The following DENND5A variants were observed in gnomAD, a reference collection of about 807,000 sequenced individuals.
The protein encoded by DENND5A is DENN domain-containing protein 5A.
A neutral mutation model predicts 140.3 loss-of-function variants in DENND5A; 64 were observed. The observed-to-expected ratio is 0.46, with a 90% CI of 0.37 to 0.56. The LOEUF is 0.56. DENND5A is among the 20% of genes least tolerant of loss of function. The probability of loss-of-function intolerance (pLI) is 0.00; values close to 1 mark genes in which losing one functional copy is unlikely to be tolerated. For synonymous variants in DENND5A, 605 were observed against 607.7 expected (o/e 1.00, Z 0.07); for missense variants, 1,292 against 1,593.8 (o/e 0.81, Z 3.22).
rs116722509 is a variant in DENND5A at position 9,227,845 on chromosome 11, G to A, written c.110-20213C>T. ...AATGAGGCCAGGCACTGTGGCTCAC[G>A]CTTGTAAATCCCAGCACTTTGGGAG... On this transcript the variant is annotated intron_variant, in intron 1 of 22. Transcript: ENST00000328194. Among the ~76,000 whole-genome samples, 522 of 151,844 alleles carry A rather than the reference G, an allele frequency of 3.4e-3. 2 individuals are homozygous for A. The highest frequency in any genetic ancestry group is 0.012 in the African/African-American group (499 of 41,446).
At chr11:9,245,389 G>A (rs113993444) in intron 1 of DENND5A, 6,935 of 149,872 alleles carry the variant, frequency 0.046, 509 homozygotes, top group African/African-American at 0.16. Context: ...TCAGCAGTCC[G>A]AGACCAGCCT....
rs773664943 is a variant in DENND5A at position 9,139,670 on chromosome 11, G to A, written c.*1C>T. 5 of 1,612,812 alleles carry A rather than the reference G, an allele frequency of 3.1e-6. No homozygotes were observed. The Admixed American group carries it at 6.7e-5, about 22-fold the overall frequency. Reference sequence around the variant, plus strand: ...TCCTGCTGCTGGCTGGTGCTGGGAGGTCAGATGTCGATGCCCTTGACAAGG... The same window carrying A: ...TCCTGCTGCTGGCTGGTGCTGGGAGATCAGATGTCGATGCCCTTGACAAGG... On this transcript the variant is annotated 3_prime_UTR_variant, in exon 23 of 23. Transcript: ENST00000328194.
At chr11:9,229,391 G>C (rs972689896) in intron 1 of DENND5A, among the ~76,000 whole-genome samples, 1 of 151,986 alleles carries the variant, frequency 6.6e-6, no homozygotes. Flanking sequence ...GACATGCTGA[G>C]TATTATGAAC....
chr11:9,216,645 C>T (rs1450859583), intron 1 of DENND5A, among the ~76,000 whole-genome samples: 2 of 152,196 alleles, frequency 1.3e-5, no homozygotes, highest in African/African-American at 4.8e-5. Context: ...GGGCAGGGGA[C>T]TGTGGCTCAT....
intron 22 of DENND5A, among the ~76,000 whole-genome samples, chr11:9,141,168 C>T (rs539632433): frequency 1.3e-5 from 2 of 152,214 alleles, no homozygotes; most frequent in South Asian, 2.1e-4. Flanking sequence ...TAAGGGGCCA[C>T]GTTTTATTCA....
chr11:9,187,205 T>C (rs1317485590), intron 5 of DENND5A, among the ~76,000 whole-genome samples: 1 of 152,096 alleles, frequency 6.6e-6, no homozygotes, highest in Non-Finnish European at 1.5e-5. Flanking sequence ...TTTCCTCCCA[T>C]CATACAGAGG....
At chr11:9,169,263 G>T (rs1306136544) in intron 10 of DENND5A, among the ~76,000 whole-genome samples, 1 of 152,036 alleles carries the variant, frequency 6.6e-6, no homozygotes, top group East Asian at 1.9e-4. Context: ...CCTGGCCAAC[G>T]TGGTGAAACC....
In DENND5A at chr11:9,262,834, C is replaced by G. The variant is rs575261467; in HGVS notation, c.109+2127G>C. On this transcript the variant is annotated intron_variant, in intron 1 of 22. Transcript: ENST00000328194. ...TGGGCTCACTGCGAGCTCCGCCTCC[C>G]GGGTTCACGCCATTCTCCTGCCTCA... 1.6e-4 allele frequency among the ~76,000 whole-genome samples: 24 copies of G among 152,196 alleles called. 1 individual carries two copies. The South Asian group carries it at 5.0e-3, about 32-fold the overall frequency.
chr11:9,230,128 C>T (rs1850706143), intron 1 of DENND5A, among the ~76,000 whole-genome samples: 3 of 150,718 alleles, frequency 2.0e-5, no homozygotes, highest in Admixed American at 1.3e-4. Flanking sequence ...CCAGGATGGT[C>T]TCGATCTCCT....
At chr11:9,258,675 C>T (rs1335315317) in intron 1 of DENND5A, among the ~76,000 whole-genome samples, 2 of 152,142 alleles carry the variant, frequency 1.3e-5, no homozygotes, top group African/African-American at 4.8e-5. Context: ...CCCGCATCCA[C>T]CACTCATCAA....
At chr11:9,230,398 G>T (rs61877904) in intron 1 of DENND5A, among the ~76,000 whole-genome samples, 1 of 151,432 alleles carries the variant, frequency 6.6e-6, no homozygotes, top group Non-Finnish European at 1.5e-5. Context: ...GCTCCACCAC[G>T]CCAGGCTAAT....
chr11:9,149,151 G>T (rs1847529068), intron 15 of DENND5A, among the ~76,000 whole-genome samples: 1 of 152,192 alleles, frequency 6.6e-6, no homozygotes, highest in African/African-American at 2.4e-5. Context: ...TTAGAATTCA[G>T]TGGGTCCCAT....
At chr11:9,249,551 T>G (rs949404801) in intron 1 of DENND5A, among the ~76,000 whole-genome samples, 1 of 152,030 alleles carries the variant, frequency 6.6e-6, no homozygotes. Flanking sequence ...TTATTGTATT[T>G]TATTGTATTT....
chr11:9,161,311 G>A (rs1054547363), intron 11 of DENND5A, among the ~76,000 whole-genome samples: 14 of 152,004 alleles, frequency 9.2e-5, no homozygotes, highest in Admixed American at 2.0e-4. Flanking sequence ...TCGCGCCACT[G>A]CACTCCAGCC....
rs1194710498 is a variant in DENND5A, at chr11:9,160,791, C to G, written c.2358G>C (p.Gly786=). 1 of 1,614,064 alleles carries G rather than the reference C, an allele frequency of 6.2e-7. No individual in the cohort carries two copies. The highest frequency in any genetic ancestry group is 8.5e-7 in the Non-Finnish European group (1 of 1,179,928). Residue 786 remains glycine (G), a synonymous_variant, in exon 12 of 23, where the codon GGG becomes GGC. Coordinates refer to ENST00000328194, the MANE Select transcript of DENND5A (RefSeq NM_015213.4). ...ELGHGEVNIT[G]VEENTLIASL... ...TGGCAATCAGGGTGTTCTCTTCCAC[C>G]CCTGTGATGTTCACCTCCCCATGCC...
intron 5 of DENND5A, 38 bp downstream of exon 5, chr11:9,193,456 T>C (rs1410383089): frequency 2.0e-6 from 3 of 1,485,326 alleles, no homozygotes; most frequent in Middle Eastern, 1.9e-4. Flanking sequence ...TCCCCAATCC[T>C]GGATTGGGGC....
intron 4 of DENND5A, among the ~76,000 whole-genome samples, chr11:9,197,943 T>TA (rs1382385239): frequency 3.9e-5 from 6 of 152,206 alleles, no homozygotes; most frequent in Admixed American, 2.0e-4. Context: ...GGAGATTTCT[T>TA]ACCAACGTCC....
chr11:9,161,343 G>A (rs1042246581), intron 11 of DENND5A, among the ~76,000 whole-genome samples: 12 of 115,794 alleles, frequency 1.0e-4, no homozygotes, highest in East Asian at 2.0e-4. Context: ...GCGAGACTCC[G>A]TCTCAAAAAA....
At chr11:9,217,689 C>G (rs541177223) in intron 1 of DENND5A, among the ~76,000 whole-genome samples, 1 of 152,172 alleles carries the variant, frequency 6.6e-6, no homozygotes, top group East Asian at 1.9e-4. Flanking sequence ...CACAACTCTG[C>G]AAATACATTA....
Sources: allele counts gnomAD v4.1 joint callset (sites outside exome capture counted in the v4.1 genomes callset), GRCh38; gene constraint gnomAD v4.1.1; transcripts MANE v1.5; gene names NCBI Gene and HGNC (gene_info 2026-07-23, HGNC 2026-07-21).